The following RAB3IL1 variants were observed in gnomAD, a reference collection of about 807,000 sequenced individuals.
The protein encoded by RAB3IL1 is guanine nucleotide exchange factor for Rab-3A.
RAB3IL1 carries 37 observed loss-of-function variants against 49.2 expected under a neutral mutation model. The observed-to-expected ratio is 0.75, with a 90% confidence interval of 0.58 to 0.99. The LOEUF (loss-of-function observed/expected upper bound fraction) is 0.99. Among genes scored for constraint, RAB3IL1 ranks in the 50% least tolerant of loss-of-function variants. The pLI is 0.00. For missense variants in RAB3IL1, 484 were observed against 513.0 expected (o/e 0.94, Z 0.55); for synonymous variants, 193 against 213.9 (o/e 0.90, Z 0.85).
intron 5 of RAB3IL1, among the ~76,000 whole-genome samples, chr11:61,905,536 G>A (rs1031062528): frequency 3.7e-4 from 57 of 152,298 alleles, no homozygotes; most frequent in African/African-American, 1.3e-3. Context: ...GCCAGCCCGG[G>A]CTGGGCCGGA....
chr11:61,904,570 G>A lies in RAB3IL1; in HGVS notation c.875C>T (p.Ala292Val). The A allele has an allele frequency of 6.2e-7, 1 of 1,612,530 alleles. No individual in the cohort carries two copies. Among genetic ancestry groups the A allele is most frequent in the South Asian group, 1.1e-5 (1 of 90,614 alleles). The change falls in exon 7 of 10, where the codon GCC becomes GTC. Residue 292 changes from alanine to valine, a missense_variant. By Grantham distance (64) the Ala-to-Val change is moderately conservative (BLOSUM62 0). Transcript: ENST00000394836. ...ASQTLPTVKV[A>V]EVDCSSTNTC... ...CTTGGTGCTGCTACAGTCAACCTCG[G>A]CCACCTTCACTGTGGGCAGCGTCTG...
chr11:61,910,195 G>A (rs759740174), intron 1 of RAB3IL1, among the ~76,000 whole-genome samples: 11 of 152,292 alleles, frequency 7.2e-5, no homozygotes, highest in Non-Finnish European at 1.5e-4. Flanking sequence ...AAGCTTCCCC[G>A]CTGCAGGGGA....
chr11:61,915,404 G>C (rs2134355415), intron 1 of RAB3IL1, among the ~76,000 whole-genome samples: 1 of 152,238 alleles, frequency 6.6e-6, no homozygotes, highest in East Asian at 1.9e-4. Flanking sequence ...TCTGGCCTTG[G>C]CCTGGGTGCC....
chr11:61,926,104 C>CAAAAAAAAAAAAAAAAAAAAAAAAAAAAA, the RAB3IL1 span, among the ~76,000 whole-genome samples: 2 of 64,064 alleles, frequency 3.1e-5, no homozygotes, highest in Non-Finnish European at 3.0e-5. Context: ...TCCTTCCTGC[C>CAAAAAAAAAAAAAAAAAAAAAAAAAAAAA]AAAAAAAAAA....
chr11:61,900,534 A>C lies in RAB3IL1; in HGVS notation c.1000-1154T>G, dbSNP rs1938857479. 1.3e-5 allele frequency among the ~76,000 whole-genome samples: 2 copies of C among 151,722 alleles called. 1 individual carries two copies. Among genetic ancestry groups the C allele is most frequent in the South Asian group, 4.1e-4 (2 of 4,830 alleles). Reference sequence around the variant, plus strand: ...CGTCGTGGCAGGGACACCGCTGCACAGGGAGGGTTGAGGAGAGGCTGCGGC... The same window carrying C: ...CGTCGTGGCAGGGACACCGCTGCACCGGGAGGGTTGAGGAGAGGCTGCGGC... On this transcript the variant is annotated intron_variant, in intron 8 of 9. Transcript: ENST00000394836.
the RAB3IL1 span, among the ~76,000 whole-genome samples, chr11:61,926,529 C>T: frequency 6.6e-6 from 1 of 152,058 alleles, no homozygotes; most frequent in Non-Finnish European, 1.5e-5. Context: ...GCTTGGTGCC[C>T]TCCCTGTGGT....
In RAB3IL1 at chr11:61,917,498, G is replaced by A; in HGVS notation, c.-131C>T. 1 of 1,135,458 alleles carries A rather than the reference G, an allele frequency of 8.8e-7. No individual in the cohort carries two copies. Among genetic ancestry groups the A allele is most frequent in the Non-Finnish European group, 1.1e-6 (1 of 927,296 alleles). 70.3% of individuals were successfully genotyped at this position (1,135,458 alleles called of 1,614,324 possible). On this transcript the variant is annotated 5_prime_UTR_variant, in exon 1 of 10. Transcript: ENST00000394836. ...CGCCTGTCAGCCCTGCCCGCGGCCG[G>A]TCAGTAGGTCTCAGACGCCTGGGCT...
upstream of RAB3IL1, among the ~76,000 whole-genome samples, chr11:61,920,877 T>C (rs1249800474): frequency 6.6e-6 from 1 of 152,142 alleles, no homozygotes; most frequent in Non-Finnish European, 1.5e-5. Flanking sequence ...GAGCTGAGAC[T>C]GGGCCATTGC....
Position 61,908,050 on chromosome 11 carries a change from C to A in RAB3IL1, c.264+4G>T. On this transcript the variant is annotated splice_donor_region_variant and intron_variant, in intron 2 of 9. Coordinates refer to ENST00000394836, the MANE Select transcript of RAB3IL1 (RefSeq NM_013401.4). The stretch of plus-strand genomic sequence containing the variant: ...AGACCCCCCAGCCTACTGCAGGCAC[C>A]CACCTTCTGCGCTCTGTGCAGCTCC... The A allele has an allele frequency of 6.2e-7, 1 of 1,604,044 alleles. No individual in the cohort carries two copies. Among genetic ancestry groups the A allele is most frequent in the South Asian group, 1.1e-5 (1 of 90,670 alleles).
intron 1 of RAB3IL1, among the ~76,000 whole-genome samples, chr11:61,910,047 C>T (rs571737385): frequency 6.6e-6 from 1 of 152,328 alleles, no homozygotes; most frequent in East Asian, 1.9e-4. Flanking sequence ...ATAAAACTCT[C>T]TCAACAGCAC....
At chr11:61,920,172 G>A (rs575212687), upstream of RAB3IL1, 13 of 1,314,360 alleles carry the variant, frequency 9.9e-6, no homozygotes, top group Middle Eastern at 2.0e-4. Context: ...GGCACCCAGC[G>A]TGCTCCTCAG....
At position 61,899,404 on chromosome 11, in the gene RAB3IL1, G is replaced by A. The variant is rs115837950; in HGVS notation, c.1000-24C>T. 1.2e-3 allele frequency: 1,996 copies of A among 1,603,786 alleles called. 20 individuals carry two copies. In the African/African-American group the frequency reaches 0.022, roughly 18 times the overall value. On this transcript the variant is annotated intron_variant, in intron 8 of 9. Coordinates refer to ENST00000394836, the MANE Select transcript of RAB3IL1 (RefSeq NM_013401.4). Reference sequence around the variant, plus strand: ...ATCTGTGGGCAGAGGTGGGGACGGTGTGACCTGCCAGCCCCACGCTGGGGG... The same window carrying A: ...ATCTGTGGGCAGAGGTGGGGACGGTATGACCTGCCAGCCCCACGCTGGGGG...
upstream of RAB3IL1, chr11:61,917,707 G>A (rs1939772290): frequency 2.8e-6 from 1 of 356,906 alleles, no homozygotes; most frequent in Non-Finnish European, 3.9e-6. Flanking sequence ...GGCGCTCGGA[G>A]GGAACCCGGC....
intron 8 of RAB3IL1, chr11:61,899,659 C>G (rs1407027302): frequency 2.5e-6 from 1 of 402,114 alleles, no homozygotes; most frequent in Non-Finnish European, 4.6e-6. Flanking sequence ...AGCGGAGCCA[C>G]CCGGGGAAAG....
intron 8 of RAB3IL1, among the ~76,000 whole-genome samples, chr11:61,900,615 A>G (rs1279336682): frequency 6.6e-6 from 1 of 152,168 alleles, no homozygotes; most frequent in Admixed American, 6.5e-5. Flanking sequence ...GGATGCCCAC[A>G]GAGGCTCATG....
chr11:61,917,379 G>C lies in RAB3IL1; in HGVS notation c.-12C>G, dbSNP rs926286164. The C allele has an allele frequency of 8.0e-7, 1 of 1,246,038 alleles. No homozygotes were observed. The highest frequency in any genetic ancestry group is 1.0e-6 in the Non-Finnish European group (1 of 996,908). The allele number at this position is 1,246,038 out of a possible 1,614,324, so 77.2% of individuals were successfully genotyped here. A position where few individuals can be genotyped will look rare whatever the true frequency, so the allele number is the denominator to read the frequency against. Reference sequence around the variant, plus strand: ...TACCCGCTCCACATCCCGGCGCCTCGGGGCGCCCAGGCGTCCGTTCCCAGC... The same window carrying C: ...TACCCGCTCCACATCCCGGCGCCTCCGGGCGCCCAGGCGTCCGTTCCCAGC... On this transcript the variant is annotated 5_prime_UTR_variant, in exon 1 of 10. Transcript: ENST00000394836.
At chr11:61,945,706 C>T in the RAB3IL1 span, 1 of 946,950 alleles carries the variant, frequency 1.1e-6, no homozygotes, top group Non-Finnish European at 1.3e-6. Context: ...ACCCACCTGC[C>T]ACGAGCCCCA....
chr11:61,898,244 G>T lies in RAB3IL1; in HGVS notation c.*34C>A, dbSNP rs1030357185. ...TTGTTCTGGGGTGGGTGTTTGCTCT[G>T]TCTCAGAGCTCCCCTTCAGGCCTGG... is the stretch of plus-strand genomic sequence containing the variant. On this transcript the variant is annotated 3_prime_UTR_variant, in exon 10 of 10. Coordinates refer to ENST00000394836, the MANE Select transcript of RAB3IL1 (RefSeq NM_013401.4). The surrounding 1 kb of genome is among the most constrained non-coding windows in gnomAD (Gnocchi z 5.1). The T allele has an allele frequency of 6.3e-7, 1 of 1,597,710 alleles. No individual in the cohort carries two copies. The highest frequency in any genetic ancestry group is 8.5e-7 in the Non-Finnish European group (1 of 1,169,980).
chr11:61,929,536 T>A, the RAB3IL1 span, among the ~76,000 whole-genome samples: 1 of 148,842 alleles, frequency 6.7e-6, no homozygotes, highest in Non-Finnish European at 1.5e-5. Flanking sequence ...TAAAAAAAAA[T>A]GTATGATCTG....
Sources: gnomAD v4.1 joint callset for allele counts (sites outside exome capture counted in the v4.1 genomes callset) on GRCh38, gnomAD v4.1.1 for gene constraint, Gnocchi (gnomAD v3.1) non-coding constraint, MANE v1.5 for transcripts, NCBI Gene and HGNC (gene_info 2026-07-23, HGNC 2026-07-21) for gene names.